Variants in ZBTB20 observed in about 807,000 individuals in gnomAD.
The protein encoded by ZBTB20 is zinc finger and BTB domain containing 20.
A neutral mutation model predicts 56.9 loss-of-function variants in ZBTB20; 9 were observed. The ratio of observed to expected loss-of-function variants is 0.16; its 90% CI spans 0.10 to 0.28. The LOEUF is 0.28. Ranked by LOEUF, ZBTB20 falls within the 10% of genes least tolerant of loss-of-function variation. The probability of loss-of-function intolerance (pLI) is 1.00; values close to 1 mark genes in which losing one functional copy is unlikely to be tolerated. For synonymous variants in ZBTB20, 417 were observed against 420.7 expected (o/e 0.99, Z 0.11); for missense variants, 655 against 1,003.0 (o/e 0.65, Z 4.69).
At chr3:115,019,051 G>A (rs773080008) in intron 2 of ZBTB20, among the ~76,000 whole-genome samples, 9 of 150,968 alleles carry the variant, frequency 6.0e-5, no homozygotes, top group Non-Finnish European at 1.3e-4. Context: ...CTTTGTACCC[G>A]ACATCAATTT....
chr3:114,629,567 T>G (rs1409524553), intron 6 of ZBTB20, among the ~76,000 whole-genome samples: 2 of 152,172 alleles, frequency 1.3e-5, no homozygotes, highest in Admixed American at 6.5e-5. Flanking sequence ...GTAGCACTTT[T>G]CAGTGCAGCA....
At chr3:114,914,151 G>A (rs527715441) in intron 3 of ZBTB20, among the ~76,000 whole-genome samples, 1 of 152,058 alleles carries the variant, frequency 6.6e-6, no homozygotes, top group Non-Finnish European at 1.5e-5. Context: ...CATTGAATCT[G>A]TAGACTGCCT....
chr3:114,478,712 A>G (rs1199392127), intron 7 of ZBTB20, among the ~76,000 whole-genome samples: 1 of 152,196 alleles, frequency 6.6e-6, no homozygotes, highest in African/African-American at 2.4e-5. Flanking sequence ...TGTGAGAGTA[A>G]GACATAGACC....
chr3:114,356,123 A>C (rs2081224758), intron 10 of ZBTB20: 1 of 152,218 alleles, frequency 6.6e-6, no homozygotes, highest in Non-Finnish European at 1.5e-5. Flanking sequence ...AATGAAAGTC[A>C]TCATGTATTC....
At chr3:114,861,982 A>G (rs2075556226) in intron 4 of ZBTB20, among the ~76,000 whole-genome samples, 1 of 152,216 alleles carries the variant, frequency 6.6e-6, no homozygotes, top group Non-Finnish European at 1.5e-5. Flanking sequence ...TTTATATCAC[A>G]TAATAACAAA....
chr3:114,907,847 A>G (rs1164771019), intron 3 of ZBTB20, among the ~76,000 whole-genome samples: 2 of 151,946 alleles, frequency 1.3e-5, no homozygotes, highest in African/African-American at 4.8e-5. Context: ...TGGAGATTAT[A>G]TATATTTGTT....
chr3:114,862,030 A>G (rs777786260), intron 4 of ZBTB20, among the ~76,000 whole-genome samples: 1 of 152,240 alleles, frequency 6.6e-6, no homozygotes, highest in Non-Finnish European at 1.5e-5. Flanking sequence ...TTAGATACAC[A>G]TAGAACATTT....
rs1490712197 is a variant in ZBTB20 at position 114,315,540 on chromosome 3, GGTGT to G, written c.*23461_*23464del. 1 of 144,690 alleles carries G rather than the reference GGTGT, an allele frequency of 6.9e-6. No homozygotes were observed. The allele number at this position is 144,690 out of a possible 1,614,324, so 9.0% of individuals were successfully genotyped here. A position where few individuals can be genotyped will look rare whatever the true frequency, so the allele number is the denominator to read the frequency against. On this transcript the variant is annotated 3_prime_UTR_variant, in exon 12 of 12. Coordinates refer to ENST00000675478, the MANE Select transcript of ZBTB20 (RefSeq NM_001348800.3). ...CACATAAACATACAGTGTGTGCGTG[GGTGT>G]GTGTATTTTAGGTCTAAACATACAG... is the stretch of plus-strand genomic sequence containing the variant.
At chr3:114,736,513 G>A (rs969740765) in intron 5 of ZBTB20, among the ~76,000 whole-genome samples, 2 of 152,084 alleles carry the variant, frequency 1.3e-5, no homozygotes, top group African/African-American at 4.8e-5. Context: ...AGGATTGTAG[G>A]CGTTCATTTT....
chr3:114,683,109 A>G (rs1326830217), intron 6 of ZBTB20, among the ~76,000 whole-genome samples: 1 of 152,182 alleles, frequency 6.6e-6, no homozygotes. Context: ...AGCCAAAGTA[A>G]ACTACTTGGA....
intron 2 of ZBTB20, among the ~76,000 whole-genome samples, chr3:115,005,989 G>C (rs73228389): frequency 0.077 from 11,503 of 149,890 alleles, 1,352 homozygotes; most frequent in East Asian, 0.59. Flanking sequence ...TTTGTTCCTA[G>C]ACATTGCCAA....
chr3:115,082,223 T>C (rs1028419903), intron 1 of ZBTB20, among the ~76,000 whole-genome samples: 3 of 152,174 alleles, frequency 2.0e-5, no homozygotes, highest in Non-Finnish European at 4.4e-5. Flanking sequence ...AGTTCTAAAA[T>C]TGCGGTTTAT....
intron 5 of ZBTB20, among the ~76,000 whole-genome samples, chr3:114,723,517 T>C (rs1048032522): frequency 3.0e-4 from 45 of 152,156 alleles, no homozygotes; most frequent in African/African-American, 1.0e-3. Flanking sequence ...CAAGTATGAG[T>C]TGGATCACTG....
intron 4 of ZBTB20, among the ~76,000 whole-genome samples, chr3:114,803,040 C>T (rs535711812): frequency 2.0e-5 from 3 of 151,716 alleles, no homozygotes; most frequent in East Asian, 1.9e-4. Context: ...TCATTCCCCC[C>T]CCATGCCATT....
rs2044072623 is a variant in ZBTB20 at position 114,502,205 on chromosome 3, A to AT, written c.-294-1815dup. 1.3e-5 allele frequency among the ~76,000 whole-genome samples: 2 copies of AT among 152,220 alleles called. 1 individual carries two copies. Among genetic ancestry groups the AT allele is most frequent in the East Asian group, 3.9e-4 (2 of 5,194 alleles). On this transcript the variant is annotated intron_variant, in intron 6 of 11. Coordinates refer to ENST00000675478, the MANE Select transcript of ZBTB20 (RefSeq NM_001348800.3). Reference sequence around the variant, plus strand: ...GACACCATGATTTTAACAACTTCACATAAGGCCTCCAGAAATATGCAAAAC... The same window carrying AT: ...GACACCATGATTTTAACAACTTCACATTAAGGCCTCCAGAAATATGCAAAAC...
intron 7 of ZBTB20, among the ~76,000 whole-genome samples, chr3:114,458,503 C>G (rs1481393002): frequency 6.6e-6 from 1 of 152,128 alleles, no homozygotes; most frequent in African/African-American, 2.4e-5. Flanking sequence ...TGACAGAATT[C>G]CAATCACATT....
At chr3:114,427,517 T>C (rs2089776700) in intron 7 of ZBTB20, among the ~76,000 whole-genome samples, 1 of 152,216 alleles carries the variant, frequency 6.6e-6, no homozygotes, top group Non-Finnish European at 1.5e-5. Flanking sequence ...AAGATAGAGC[T>C]TAATGGATTA....
At chr3:114,533,405 A>G (rs1440325264) in intron 6 of ZBTB20, among the ~76,000 whole-genome samples, 1 of 152,070 alleles carries the variant, frequency 6.6e-6, no homozygotes, top group African/African-American at 2.4e-5. Context: ...ATGAAGATCA[A>G]CTTAATGAAA....
At chr3:114,947,346 T>C (rs1326794925) in intron 3 of ZBTB20, among the ~76,000 whole-genome samples, 1 of 146,254 alleles carries the variant, frequency 6.8e-6, no homozygotes, top group Non-Finnish European at 1.5e-5. Context: ...ACCAAAAATA[T>C]ACTTACACTC....
Sources: gnomAD v4.1 joint callset for allele counts (sites outside exome capture counted in the v4.1 genomes callset) on GRCh38, gnomAD v4.1.1 for gene constraint, MANE v1.5 for transcripts, NCBI Gene and HGNC (gene_info 2026-07-23, HGNC 2026-07-21) for gene names.